The following GANC variants were observed in gnomAD, a reference collection of about 807,000 sequenced individuals.
The protein encoded by GANC is neutral alpha-glucosidase C.
Under a neutral mutation model 124.2 loss-of-function variants are expected in GANC, and 117 were observed. The ratio of observed to expected loss-of-function variants is 0.94; its 90% CI spans 0.81 to 1.10. The LOEUF is 1.10. GANC is among the 50% of genes least tolerant of loss of function. The probability of loss-of-function intolerance (pLI) is 0.00; values close to 1 mark genes in which losing one functional copy is unlikely to be tolerated. For missense variants in GANC, 1,140 were observed against 1,095.0 expected, an observed-to-expected ratio of 1.04 and a Z score of -0.58; for synonymous variants, 377 against 376.8, an observed-to-expected ratio of 1.00 and a Z score of -0.01.
chr15:42,309,402 C>T (rs963375144), intron 8 of GANC, among the ~76,000 whole-genome samples: 1 of 151,924 alleles, frequency 6.6e-6, no homozygotes, highest in Non-Finnish European at 1.5e-5. Context: ...TCACTGCAAC[C>T]TCTGCCTCCC....
intron 18 of GANC, among the ~76,000 whole-genome samples, chr15:42,341,213 A>C (rs1274376625): frequency 6.6e-6 from 1 of 152,134 alleles, no homozygotes; most frequent in Non-Finnish European, 1.5e-5. Context: ...TTTCTAATGC[A>C]TTATTAGTAG....
At chr15:42,325,079 C>G (rs8038467) in intron 11 of GANC, among the ~76,000 whole-genome samples, 12,998 of 149,394 alleles carry the variant, frequency 0.087, 643 homozygotes, top group South Asian at 0.19. Context: ...GCCTGGCCAA[C>G]ATAATGAAAC....
At chr15:42,321,516 G>T (rs1203816932) in intron 10 of GANC, among the ~76,000 whole-genome samples, 1 of 152,104 alleles carries the variant, frequency 6.6e-6, no homozygotes, top group Non-Finnish European at 1.5e-5. Flanking sequence ...CTTCACCACA[G>T]GCAGAATTTA....
chr15:42,311,390 A>G (rs184860472), intron 10 of GANC, among the ~76,000 whole-genome samples: 1 of 152,356 alleles, frequency 6.6e-6, no homozygotes, highest in East Asian at 1.9e-4. Context: ...ATATATAGAA[A>G]ATCCCAAAGA....
intron 6 of GANC, among the ~76,000 whole-genome samples, chr15:42,302,405 G>C (rs933176666): frequency 3.9e-5 from 6 of 152,078 alleles, no homozygotes; most frequent in African/African-American, 2.4e-5. Context: ...AAAAACCAGC[G>C]CAAAAGGCTG....
At chr15:42,338,017 A>G (rs2052296571) in intron 15 of GANC, among the ~76,000 whole-genome samples, 1 of 152,128 alleles carries the variant, frequency 6.6e-6, no homozygotes. Context: ...AGCCGAGATC[A>G]CGGCACTGCA....
chr15:42,304,406 C>G (rs554478246), intron 6 of GANC, among the ~76,000 whole-genome samples: 27 of 152,166 alleles, frequency 1.8e-4, no homozygotes, highest in Non-Finnish European at 8.8e-5. Flanking sequence ...ATACAACTTA[C>G]AAGGGATGTA....
intron 18 of GANC, among the ~76,000 whole-genome samples, chr15:42,342,144 A>G (rs1432726909): frequency 2.0e-5 from 3 of 152,170 alleles, no homozygotes; most frequent in African/African-American, 7.2e-5. Context: ...TGGCCACTAT[A>G]TCCCCAGAGC....
chr15:42,292,329 G>C (rs1334393670), intron 4 of GANC, among the ~76,000 whole-genome samples: 1 of 150,944 alleles, frequency 6.6e-6, no homozygotes, highest in Non-Finnish European at 1.5e-5. Context: ...AGACCTTCCA[G>C]ACCAAGGTGA....
chr15:42,322,711 G>T (rs1003260876), intron 11 of GANC, among the ~76,000 whole-genome samples: 2 of 152,112 alleles, frequency 1.3e-5, no homozygotes, highest in Non-Finnish European at 2.9e-5. Flanking sequence ...TTCCCTGGTG[G>T]ACTCCACCTG....
At chr15:42,335,003 AC>A (rs2052273572) in intron 15 of GANC, among the ~76,000 whole-genome samples, 5 of 152,148 alleles carry the variant, frequency 3.3e-5, no homozygotes, top group Admixed American at 2.6e-4. Flanking sequence ...ATAGCCCAGG[AC>A]CAGACAGATT....
chr15:42,330,902 C>T (rs964589272), intron 15 of GANC, among the ~76,000 whole-genome samples: 3 of 151,352 alleles, frequency 2.0e-5, no homozygotes, highest in Admixed American at 1.3e-4. Context: ...ATCCTCCCAC[C>T]GAAGCCTCAT....
chr15:42,285,628 C>G (rs1177619910), intron 3 of GANC, among the ~76,000 whole-genome samples: 6 of 152,078 alleles, frequency 3.9e-5, no homozygotes, highest in Non-Finnish European at 5.9e-5. Flanking sequence ...AACCCCATCT[C>G]TATTAAAAAT....
chr15:42,286,565 G>A (rs563360349), intron 3 of GANC, among the ~76,000 whole-genome samples: 18 of 152,302 alleles, frequency 1.2e-4, no homozygotes, highest in South Asian at 6.2e-4. Context: ...ATTACAGTAT[G>A]ATCACTATTG....
intron 11 of GANC, among the ~76,000 whole-genome samples, chr15:42,324,456 A>G (rs1226266845): frequency 3.3e-5 from 5 of 152,222 alleles, no homozygotes; most frequent in Non-Finnish European, 5.9e-5. Flanking sequence ...AACTGGAAGC[A>G]GGAACCTGAA....
In GANC at chr15:42,352,129, G is replaced by A. The variant is rs149224936; in HGVS notation, c.2735G>A (p.Arg912His). The change falls in exon 24 of 24, where the codon CGC (arginine) becomes CAC (histidine). Residue 912 changes from arginine (R) to histidine (H), a missense_variant. Transcript: ENST00000318010. ...AACATTGCCACTGACTGGGAGGTCCGCATCATATGACAAAGAACTGCCCCT... is the reference window on the plus strand; with the variant it reads ...AACATTGCCACTGACTGGGAGGTCCACATCATATGACAAAGAACTGCCCCT... ...SLNIATDWEVRII is the reference protein window; with the variant it reads ...SLNIATDWEVHII 17 of 1,613,868 alleles carry A rather than the reference G, an allele frequency of 1.1e-5. No individual in the cohort carries two copies. The highest frequency in any genetic ancestry group is 3.3e-5 in the South Asian group (3 of 91,082).
In GANC at chr15:42,273,377, G is replaced by A; in HGVS notation, c.-1105G>A. 5 of 1,614,048 alleles carry A rather than the reference G, an allele frequency of 3.1e-6. No individual in the cohort carries two copies. Among genetic ancestry groups the A allele is most frequent in the Non-Finnish European group, 4.2e-6 (5 of 1,180,028 alleles). On this transcript the variant is annotated 5_prime_UTR_variant, in exon 1 of 24. An upstream open reading frame in the 5' UTR loses its in-frame stop. Transcript: ENST00000318010. ...AGCAGAAGAATGACAGGCAACACCT[G>A]AAGCCACGCAGCCGCCGCCATCTTC...
chr15:42,308,024 C>T (rs2052014797), intron 7 of GANC, among the ~76,000 whole-genome samples, 198 bp from the exon 8 acceptor site: 1 of 152,206 alleles, frequency 6.6e-6, no homozygotes, highest in East Asian at 1.9e-4. Flanking sequence ...AGAACTTTGC[C>T]TTACACATTT....
At chr15:42,285,808 T>A (rs1055240225) in intron 3 of GANC, among the ~76,000 whole-genome samples, 1 of 151,886 alleles carries the variant, frequency 6.6e-6, no homozygotes, top group Non-Finnish European at 1.5e-5. Context: ...ATAAATAAAT[T>A]TAAAGAAAGA....
Sources: gnomAD v4.1 joint callset for allele counts (sites outside exome capture counted in the v4.1 genomes callset) on GRCh38, gnomAD v4.1.1 for gene constraint, MANE v1.5 for transcripts, NCBI Gene and HGNC (gene_info 2026-07-23, HGNC 2026-07-21) for gene names.